Variants in PDZD2 observed in about 807,000 individuals in gnomAD.
PDZD2 encodes the protein PDZ domain containing 2.
A neutral mutation model predicts 220.7 loss-of-function variants in PDZD2; 90 were observed. The ratio of observed to expected loss-of-function variants is 0.41; its 90% CI spans 0.34 to 0.49. PDZD2 has a LOEUF of 0.49. PDZD2 is among the 20% of genes least tolerant of loss of function. The probability of loss-of-function intolerance (pLI) is 0.28; values close to 1 mark genes in which losing one functional copy is unlikely to be tolerated. For missense variants in PDZD2, 3,174 were observed against 3,608.5 expected, an observed-to-expected ratio of 0.88 and a Z score of 3.08; for synonymous variants, 1,375 against 1,450.5, an observed-to-expected ratio of 0.95 and a Z score of 1.18.
chr5:31,735,961 C>CA (rs977091828), intron 1 of PDZD2, among the ~76,000 whole-genome samples: 14 of 151,556 alleles, frequency 9.2e-5, no homozygotes, highest in Admixed American at 2.6e-4. Context: ...CAAAACAAAA[C>CA]AAAAAAAACT....
intron 1 of PDZD2, among the ~76,000 whole-genome samples, chr5:31,709,833 G>C (rs1223323753): frequency 6.6e-6 from 1 of 152,104 alleles, no homozygotes; most frequent in African/African-American, 2.4e-5. Context: ...GCACACGCCT[G>C]TAATCCCAGC....
chr5:31,765,492 C>T (rs74817110), intron 1 of PDZD2, among the ~76,000 whole-genome samples: 4,876 of 152,276 alleles, frequency 0.032, 266 homozygotes, highest in African/African-American at 0.11. Flanking sequence ...CCTGCCCGCC[C>T]CTGTTCTCTC....
Position 31,861,984 on chromosome 5 carries a change from A to G in PDZD2, c.476+62260A>G, listed in dbSNP as rs148660896. On this transcript the variant is annotated intron_variant, in intron 2 of 24. Coordinates refer to ENST00000438447, the MANE Select transcript of PDZD2 (RefSeq NM_178140.4). ...ATGTATGCCTTATACTATATAGTTC[A>G]TCATTATATCCTGAACACCCTACAC... Among the ~76,000 whole-genome samples the G allele has an allele frequency of 3.9e-3, 583 of 151,160 alleles. 2 individuals are homozygous for G. The highest frequency in any genetic ancestry group is 0.014 in the African/African-American group (563 of 41,414).
intron 1 of PDZD2, among the ~76,000 whole-genome samples, chr5:31,644,926 G>A (rs1745079632): frequency 6.6e-6 from 1 of 152,164 alleles, no homozygotes. Flanking sequence ...GCCTGAAGAG[G>A]TTTTGGAGAA....
intron 2 of PDZD2, among the ~76,000 whole-genome samples, chr5:31,902,184 A>C (rs1207600357): frequency 6.6e-6 from 1 of 152,194 alleles, no homozygotes; most frequent in Non-Finnish European, 1.5e-5. Flanking sequence ...GTTACTGCAC[A>C]ATTTTACATT....
chr5:32,020,239 G>A lies in PDZD2; in HGVS notation c.1407+9757G>A, dbSNP rs891385511. The stretch of plus-strand genomic sequence containing the variant: ...AAGCTGGTCTCAAACTCCTGACCTC[G>A]TGATCCGCCTGCCTTGACCTCCCAA... On this transcript the variant is annotated intron_variant, in intron 6 of 24. Coordinates refer to ENST00000438447, the MANE Select transcript of PDZD2 (RefSeq NM_178140.4). Among the ~76,000 whole-genome samples, 9 of 151,940 alleles carry A rather than the reference G, an allele frequency of 5.9e-5. No individual in the cohort carries two copies. In the South Asian group the frequency reaches 1.9e-3, roughly 32 times the overall value.
intron 2 of PDZD2, among the ~76,000 whole-genome samples, chr5:31,949,788 T>G (rs913276797): frequency 1.3e-5 from 2 of 150,774 alleles, no homozygotes; most frequent in African/African-American, 4.9e-5. Flanking sequence ...TTATCCTGCC[T>G]CAGCCTCCCA....
intron 2 of PDZD2, among the ~76,000 whole-genome samples, chr5:31,931,954 G>T (rs570400311): frequency 6.4e-4 from 98 of 152,250 alleles, no homozygotes; most frequent in African/African-American, 2.3e-3. Context: ...GCAGAAGTTG[G>T]AAGGGAGCTG....
intron 1 of PDZD2, among the ~76,000 whole-genome samples, chr5:31,681,045 G>A (rs1746634008): frequency 6.6e-6 from 1 of 151,874 alleles, no homozygotes; most frequent in African/African-American, 2.4e-5. Flanking sequence ...GTCAACACCT[G>A]TAAAATAATT....
At chr5:32,041,769 CCTT>C (rs979329547) in intron 7 of PDZD2, among the ~76,000 whole-genome samples, 4 of 151,934 alleles carry the variant, frequency 2.6e-5, no homozygotes, top group Non-Finnish European at 4.4e-5. Flanking sequence ...TATCTGCTGA[CCTT>C]CTCTCCACTA....
intron 2 of PDZD2, chr5:31,923,646 AG>A: frequency 1.4e-6 from 1 of 701,746 alleles, no homozygotes; most frequent in Non-Finnish European, 2.7e-6. Flanking sequence ...GGATGGCACA[AG>A]GCTCTTCACA....
At chr5:31,893,224 A>G (rs1741215217) in intron 2 of PDZD2, among the ~76,000 whole-genome samples, 1 of 152,276 alleles carries the variant, frequency 6.6e-6, no homozygotes, top group East Asian at 1.9e-4. Flanking sequence ...CCTTGAGACC[A>G]TCCTGTCCCC....
At chr5:32,056,763 C>G (rs1465396643) in intron 10 of PDZD2, among the ~76,000 whole-genome samples, 2 of 152,110 alleles carry the variant, frequency 1.3e-5, no homozygotes. Flanking sequence ...AACTTGCCAG[C>G]TTACTGACAG....
Position 32,077,751 on chromosome 5 carries a change from G to GT in PDZD2, c.3682+148dup, listed in dbSNP as rs1371899715. The GT allele has an allele frequency of 1.1e-5, 8 of 719,512 alleles. No individual in the cohort carries two copies. In the Admixed American group the frequency reaches 1.8e-4, roughly 16 times the overall value. 44.6% of individuals were successfully genotyped at this position (719,512 alleles called of 1,614,324 possible). The stretch of plus-strand genomic sequence containing the variant: ...GTGGGCGGACCACTTGAGGTCAGGA[G>GT]TTTGAGACCAGCCTGGCCAACATGG... On this transcript the variant is annotated intron_variant, in intron 19 of 24. Transcript: ENST00000438447.
At chr5:31,845,054 G>A (rs543393979) in intron 2 of PDZD2, among the ~76,000 whole-genome samples, 24 of 152,304 alleles carry the variant, frequency 1.6e-4, no homozygotes, top group Middle Eastern at 3.4e-3. Context: ...TTGTTACCAC[G>A]TCAGAAGAAT....
At chr5:31,971,263 C>T (rs558665295) in intron 2 of PDZD2, among the ~76,000 whole-genome samples, 85 of 152,324 alleles carry the variant, frequency 5.6e-4, no homozygotes, top group African/African-American at 2.0e-3. Flanking sequence ...GCTCTGCTTC[C>T]AAGATAGCAC....
chr5:31,737,167 CTTTTTTTTTTT>C (rs57379430), intron 1 of PDZD2, among the ~76,000 whole-genome samples: 1 of 66,300 alleles, frequency 1.5e-5, no homozygotes, highest in Non-Finnish European at 2.6e-5. Context: ...CAGTCTACTT[CTTTTTTTTTTT>C]TTTTTTTTTT....
At chr5:32,058,735 A>G (rs1047775933) in intron 12 of PDZD2, among the ~76,000 whole-genome samples, 6 of 151,696 alleles carry the variant, frequency 4.0e-5, no homozygotes, top group African/African-American at 1.5e-4. Context: ...TAAAATTTTA[A>G]AGAACAAAAG....
At chr5:31,796,105 C>T (rs1754006304) in intron 1 of PDZD2, among the ~76,000 whole-genome samples, 1 of 152,182 alleles carries the variant, frequency 6.6e-6, no homozygotes, top group Admixed American at 6.5e-5. Flanking sequence ...AGCCAATCAG[C>T]TTCACTAACT....
Sources: allele counts gnomAD v4.1 joint callset (sites outside exome capture counted in the v4.1 genomes callset), GRCh38; gene constraint gnomAD v4.1.1; transcripts MANE v1.5; gene names NCBI Gene and HGNC (gene_info 2026-07-23, HGNC 2026-07-21).